The following IL1RAPL2 variants were observed in gnomAD, a reference collection of about 807,000 sequenced individuals.
IL1RAPL2 encodes X-linked interleukin-1 receptor accessory protein-like 2.
A neutral mutation model predicts 44.1 loss-of-function variants in IL1RAPL2; 3 were observed. That is an observed-to-expected ratio of 0.07 (90% CI 0.03 to 0.18). The LOEUF is 0.18. IL1RAPL2 is among the 10% of genes least tolerant of loss of function. IL1RAPL2 has a pLI of 1.00. For synonymous variants in IL1RAPL2, 181 were observed against 178.8 expected, an observed-to-expected ratio of 1.01 and a Z score of -0.10; for missense variants, 391 against 496.4, an observed-to-expected ratio of 0.79 and a Z score of 2.02.
chrX:105,449,440 CG>C (rs2036001475), intron 5 of IL1RAPL2, among the ~76,000 whole-genome samples: 1 of 110,942 alleles, frequency 9.0e-6, no homozygotes, highest in South Asian at 3.8e-4. Context: ...AAAAATTAGC[CG>C]GGCATGGTGG....
intron 5 of IL1RAPL2, among the ~76,000 whole-genome samples, chrX:105,404,104 T>C (rs1237599235): frequency 8.9e-6 from 1 of 111,764 alleles, no homozygotes; most frequent in African/African-American, 3.3e-5. Context: ...TTGTGTCCTG[T>C]CCCTCAACTA....
In IL1RAPL2 at chrX:105,311,901, A is replaced by G. The variant is rs138622230; in HGVS notation, c.697+44360A>G. Among the ~76,000 whole-genome samples, 1,051 of 111,288 alleles carry G rather than the reference A, an allele frequency of 9.4e-3. 5 individuals carry two copies. Among genetic ancestry groups the G allele is most frequent in the Non-Finnish European group, 0.013 (702 of 52,909 alleles). ...TTCATGAGTTGCTGTCAGTGTATGC[A>G]TATATGTACAAGCACATTTATATAG... On this transcript the variant is annotated intron_variant, in intron 5 of 10. Transcript: ENST00000372582.
At chrX:105,548,572 G>A (rs957159092) in intron 6 of IL1RAPL2, among the ~76,000 whole-genome samples, 8 of 111,914 alleles carry the variant, frequency 7.1e-5, no homozygotes, top group African/African-American at 2.6e-4. Context: ...AGGCCTTCTG[G>A]AGTTTTGTCA....
chrX:105,195,845 T>C, intron 3 of IL1RAPL2, 97 bp downstream of exon 3: 1 of 867,399 alleles, frequency 1.2e-6, no homozygotes, highest in Non-Finnish European at 1.7e-6. Flanking sequence ...GTATAATGGA[T>C]ATGTTCTTGA....
At chrX:105,118,526 C>G (rs907730668) in intron 2 of IL1RAPL2, among the ~76,000 whole-genome samples, 1 of 112,005 alleles carries the variant, frequency 8.9e-6, no homozygotes, top group Admixed American at 9.5e-5. Context: ...TTGAGTGGTC[C>G]TAGCAAGCCA....
intron 6 of IL1RAPL2, among the ~76,000 whole-genome samples, chrX:105,678,253 C>T (rs2037890684): frequency 1.8e-5 from 2 of 112,217 alleles, no homozygotes; most frequent in Non-Finnish European, 3.8e-5. Flanking sequence ...TTATGGGGTA[C>T]ATTAGATGTT....
intron 2 of IL1RAPL2, among the ~76,000 whole-genome samples, chrX:104,698,420 C>T (rs1286532185): frequency 8.9e-6 from 1 of 111,784 alleles, no homozygotes; most frequent in Non-Finnish European, 1.9e-5. Flanking sequence ...ACAGAAATGT[C>T]CTCCTGTACA....
chrX:105,237,211 G>A (rs1603026438), intron 4 of IL1RAPL2, among the ~76,000 whole-genome samples: 1 of 112,148 alleles, frequency 8.9e-6, no homozygotes, highest in Admixed American at 9.5e-5. Flanking sequence ...ATTCCATGGT[G>A]TATACCCACA....
At chrX:105,533,365 C>T (rs2036653646) in intron 6 of IL1RAPL2, among the ~76,000 whole-genome samples, 1 of 111,635 alleles carries the variant, frequency 9.0e-6, no homozygotes, top group Admixed American at 9.5e-5. Context: ...CCAGCCTCCT[C>T]TAAGGTTAAT....
intron 2 of IL1RAPL2, among the ~76,000 whole-genome samples, chrX:105,100,270 A>G (rs1409718856): frequency 9.0e-6 from 1 of 111,707 alleles, no homozygotes; most frequent in Non-Finnish European, 1.9e-5. Flanking sequence ...GCCACAGATA[A>G]AGAAGAACTA....
intron 4 of IL1RAPL2, among the ~76,000 whole-genome samples, chrX:105,242,932 C>G (rs1352924970): frequency 9.1e-6 from 1 of 110,206 alleles, no homozygotes; most frequent in Non-Finnish European, 1.9e-5. Flanking sequence ...AACTCCGTCT[C>G]TACTAAAAAT....
intron 2 of IL1RAPL2, among the ~76,000 whole-genome samples, chrX:104,772,786 G>A (rs1355661067): frequency 8.9e-6 from 1 of 112,341 alleles, no homozygotes; most frequent in African/African-American, 3.2e-5. Context: ...TTGTGTTATT[G>A]GGTAAGTTAA....
chrX:105,080,010 T>C (rs985503778), intron 2 of IL1RAPL2, among the ~76,000 whole-genome samples: 1 of 112,424 alleles, frequency 8.9e-6, no homozygotes, highest in Non-Finnish European at 1.9e-5. Flanking sequence ...TTGAGAAGTG[T>C]CTGTTCATAT....
chrX:105,466,284 C>T (rs1282874391), intron 5 of IL1RAPL2, among the ~76,000 whole-genome samples: 4 of 109,191 alleles, frequency 3.7e-5, no homozygotes, highest in Non-Finnish European at 5.7e-5. Flanking sequence ...CATATTCAGT[C>T]AAAATATTTT....
At chrX:105,419,862 CTT>C (rs1210050318) in intron 5 of IL1RAPL2, among the ~76,000 whole-genome samples, 2 of 111,526 alleles carry the variant, frequency 1.8e-5, no homozygotes, top group Non-Finnish European at 1.9e-5. Flanking sequence ...TCTTGTCAGT[CTT>C]TTTTTGTAGA....
chrX:105,070,040 A>G (rs755229170), intron 2 of IL1RAPL2, among the ~76,000 whole-genome samples: 3 of 111,671 alleles, frequency 2.7e-5, no homozygotes, highest in Non-Finnish European at 3.8e-5. Flanking sequence ...TGCCTTGGTA[A>G]TCTCTTGGTC....
intron 6 of IL1RAPL2, among the ~76,000 whole-genome samples, chrX:105,591,449 C>G (rs368529518): frequency 1.8e-5 from 2 of 110,082 alleles, no homozygotes; most frequent in Non-Finnish European, 3.8e-5. Flanking sequence ...TGTTTTTTAT[C>G]TTCTGCTAGC....
chrX:104,919,474 C>T, intron 2 of IL1RAPL2, among the ~76,000 whole-genome samples: 1 of 107,264 alleles, frequency 9.3e-6, no homozygotes, highest in Middle Eastern at 5.1e-3. Flanking sequence ...ATCTGCCTGC[C>T]TTGGCCTCCC....
chrX:104,568,470 G>A (rs966172450), intron 1 of IL1RAPL2, among the ~76,000 whole-genome samples: 1 of 111,703 alleles, frequency 9.0e-6, no homozygotes, highest in Non-Finnish European at 1.9e-5. Flanking sequence ...CGCAGCAGCC[G>A]ACCCAAGGTT....
Sources: gnomAD v4.1 joint callset for allele counts (sites outside exome capture counted in the v4.1 genomes callset) on GRCh38, gnomAD v4.1.1 for gene constraint, MANE v1.5 for transcripts, NCBI Gene and HGNC (gene_info 2026-07-23, HGNC 2026-07-21) for gene names.